FAM184A: variants seen among roughly 807,000 people sequenced by gnomAD.
The protein encoded by FAM184A is protein FAM184A.
FAM184A carries 99 observed loss-of-function variants against 143.8 expected under a neutral mutation model. The observed-to-expected ratio is 0.69, with a 90% CI of 0.58 to 0.81. The LOEUF (loss-of-function observed/expected upper bound fraction) is 0.81. FAM184A is among the 40% of genes least tolerant of loss of function. The pLI is 0.00. For missense variants in FAM184A, 1,217 were observed against 1,310.5 expected, an observed-to-expected ratio of 0.93 and a Z score of 1.10; for synonymous variants, 427 against 446.4, an observed-to-expected ratio of 0.96 and a Z score of 0.55.
intron 1 of FAM184A, among the ~76,000 whole-genome samples, chr6:119,116,740 C>T (rs1789073002): frequency 6.6e-6 from 1 of 152,184 alleles, no homozygotes; most frequent in African/African-American, 2.4e-5. Context: ...AGAAGACTCT[C>T]TCAAAGCAGA....
chr6:119,141,511 G>A (rs1374169409), intron 1 of FAM184A, among the ~76,000 whole-genome samples: 1 of 152,110 alleles, frequency 6.6e-6, no homozygotes, highest in African/African-American at 2.4e-5. Flanking sequence ...TTGAGACAGA[G>A]TCTGGTTCTG....
At chr6:119,142,293 A>G (rs1772272105) in intron 1 of FAM184A, among the ~76,000 whole-genome samples, 1 of 152,122 alleles carries the variant, frequency 6.6e-6, no homozygotes, top group Non-Finnish European at 1.5e-5. Flanking sequence ...CGAAGCCCTG[A>G]TGGTGTCACT....
intron 14 of FAM184A, among the ~76,000 whole-genome samples, chr6:118,969,291 C>T (rs543819480): frequency 2.4e-4 from 36 of 152,088 alleles, no homozygotes; most frequent in Middle Eastern, 3.4e-3. Flanking sequence ...TTATTAGCAG[C>T]GTGAGAACGG....
chr6:119,040,718 G>A (rs942747440), intron 1 of FAM184A, among the ~76,000 whole-genome samples: 3 of 152,074 alleles, frequency 2.0e-5, no homozygotes, highest in Non-Finnish European at 2.9e-5. Context: ...AGTGCTTTTT[G>A]TTCCTGTTAT....
At position 119,116,367 on chromosome 6, in the gene FAM184A, G is replaced by T. The variant is rs1789063184; in HGVS notation, c.-202+32711C>A. Among the ~76,000 whole-genome samples the T allele has an allele frequency of 2.6e-5, 4 of 152,228 alleles. No homozygotes were observed. The South Asian group carries it at 6.2e-4, about 24-fold the overall frequency. On this transcript the variant is annotated intron_variant, in intron 1 of 16. Coordinates refer to the FAM184A transcript ENST00000352896. ...TGGGGATCACTAGATGAGGGAGGGA[G>T]GGGGGCATGGGCTAAAGGACCCCAT...
At chr6:119,146,334 G>A (rs1772425286) in intron 1 of FAM184A, among the ~76,000 whole-genome samples, 1 of 151,796 alleles carries the variant, frequency 6.6e-6, no homozygotes, top group Admixed American at 6.6e-5. Context: ...CACAGAACAA[G>A]ACTGCTAGAA....
intron 1 of FAM184A, among the ~76,000 whole-genome samples, chr6:119,122,310 A>G (rs1022610074): frequency 1.3e-5 from 2 of 152,352 alleles, no homozygotes; most frequent in Admixed American, 1.3e-4. Context: ...TAACAAGAGC[A>G]AGCTCCTTTT....
In FAM184A at chr6:118,979,579, T is replaced by C. The variant is rs1783956165; in HGVS notation, c.2302-61A>G. 4.7e-6 allele frequency: 6 copies of C among 1,281,250 alleles called. No homozygotes were observed. In the Admixed American group the frequency reaches 1.5e-4, roughly 33 times the overall value. 79.4% of individuals were successfully genotyped at this position (1,281,250 alleles called of 1,614,324 possible). On this transcript the variant is annotated intron_variant, in intron 10 of 17. Transcript: ENST00000338891. ...TATAGGAAGGAAAATGCAAACAAAATAGAAAACAGTTACTAAAACTCAGTT... is the reference window on the plus strand; with the variant it reads ...TATAGGAAGGAAAATGCAAACAAAACAGAAAACAGTTACTAAAACTCAGTT...
At chr6:118,986,752 C>T (rs2114599580) in intron 9 of FAM184A, among the ~76,000 whole-genome samples, 1 of 152,182 alleles carries the variant, frequency 6.6e-6, no homozygotes, top group South Asian at 2.1e-4. Flanking sequence ...AAGTATAATT[C>T]AATTAATTTT....
chr6:119,142,036 T>C (rs1307302451), intron 1 of FAM184A, among the ~76,000 whole-genome samples: 1 of 152,266 alleles, frequency 6.6e-6, no homozygotes, highest in Admixed American at 6.5e-5. Context: ...TGGTTATTCC[T>C]CTAGAGTGCA....
chr6:119,006,459 T>G lies in FAM184A; in HGVS notation c.1803A>C (p.Leu601=). Residue 601 remains leucine (L), a synonymous_variant, in exon 7 of 18, where the codon CTA becomes CTC. Transcript: ENST00000338891. ...KDSLKETKDA[L]LNVEGELEQE... Reference sequence around the variant, plus strand: ...ATTATGAAATTACCTCCACATTTAATAGAGCATCCTTGGTCTCCTTTAGGC... The same window carrying G: ...ATTATGAAATTACCTCCACATTTAAGAGAGCATCCTTGGTCTCCTTTAGGC... 6.2e-7 allele frequency: 1 copy of G among 1,608,308 alleles called. No individual in the cohort carries two copies. Among genetic ancestry groups the G allele is most frequent in the Non-Finnish European group, 8.5e-7 (1 of 1,178,512 alleles).
intron 1 of FAM184A, among the ~76,000 whole-genome samples, chr6:119,069,939 T>C (rs1787619660): frequency 1.3e-5 from 2 of 152,164 alleles, no homozygotes; most frequent in Admixed American, 1.3e-4. Context: ...AATGTTTTAC[T>C]TTCCAACTTC....
At chr6:119,109,076 C>T (rs144129597) in intron 1 of FAM184A, among the ~76,000 whole-genome samples, 34 of 145,640 alleles carry the variant, frequency 2.3e-4, no homozygotes, top group African/African-American at 9.3e-4. Context: ...GTAAATTATC[C>T]CTATTCCTAT....
intron 1 of FAM184A, among the ~76,000 whole-genome samples, chr6:119,048,517 AC>A (rs757242112): frequency 4.2e-4 from 64 of 152,318 alleles, no homozygotes; most frequent in Admixed American, 4.6e-4. Context: ...CAGCTGATAA[AC>A]AACTTCAGCA....
intron 5 of FAM184A, among the ~76,000 whole-genome samples, chr6:119,012,290 G>C (rs1391947084): frequency 6.6e-6 from 1 of 152,194 alleles, no homozygotes; most frequent in African/African-American, 2.4e-5. Context: ...TTCTGTGTCA[G>C]AGGACCCCAA....
At chr6:118,965,480 C>T (rs1342237670) in intron 15 of FAM184A, among the ~76,000 whole-genome samples, 1 of 152,108 alleles carries the variant, frequency 6.6e-6, no homozygotes, top group East Asian at 1.9e-4. Flanking sequence ...CCTTTGGCTT[C>T]ACCAACAAGA....
intron 1 of FAM184A, among the ~76,000 whole-genome samples, chr6:119,134,653 CAAAAA>C (rs11360363): frequency 3.3e-5 from 4 of 122,134 alleles, no homozygotes; most frequent in Admixed American, 1.8e-4. Flanking sequence ...GACCTTGTCT[CAAAAA>C]AAAAAAAAAA....
Position 119,003,705 on chromosome 6 carries a change from T to G in FAM184A, c.1816-83A>C. The G allele has an allele frequency of 2.3e-6, 3 of 1,326,272 alleles. No individual in the cohort carries two copies. In the Admixed American group the frequency reaches 9.3e-5, roughly 41 times the overall value. 82.2% of individuals were successfully genotyped at this position (1,326,272 alleles called of 1,614,324 possible). ...ATTTTAAATAAGTAAAGTGCTTGTATTAAAACTTTTAATTTTAAATTCTTA... is the reference window on the plus strand; with the variant it reads ...ATTTTAAATAAGTAAAGTGCTTGTAGTAAAACTTTTAATTTTAAATTCTTA... On this transcript the variant is annotated intron_variant, in intron 7 of 17. Transcript: ENST00000338891.
intron 1 of FAM184A, among the ~76,000 whole-genome samples, chr6:119,063,300 T>C (rs1056164552): frequency 1.3e-5 from 2 of 152,228 alleles, no homozygotes; most frequent in South Asian, 2.1e-4. Context: ...TGTGTTTTTC[T>C]AGTTGCTGTT....
Sources: allele counts gnomAD v4.1 joint callset (sites outside exome capture counted in the v4.1 genomes callset), GRCh38; gene constraint gnomAD v4.1.1; transcripts MANE v1.5; gene names NCBI Gene and HGNC (gene_info 2026-07-23, HGNC 2026-07-21).